Variants in CPEB1 observed in about 807,000 individuals in gnomAD.
The protein encoded by CPEB1 is cytoplasmic polyadenylation element binding protein 1.
CPEB1 carries 7 observed loss-of-function variants against 65.8 expected under a neutral mutation model. The observed-to-expected ratio is 0.11, with a 90% CI of 0.06 to 0.20. The LOEUF (loss-of-function observed/expected upper bound fraction) is 0.20. Among genes scored for constraint, CPEB1 ranks in the 10% least tolerant of loss-of-function variants. The probability of loss-of-function intolerance (pLI) is 1.00; values close to 1 mark genes in which losing one functional copy is unlikely to be tolerated. For missense variants in CPEB1, 551 were observed against 712.2 expected, an observed-to-expected ratio of 0.77 and a Z score of 2.58; for synonymous variants, 262 against 260.0, an observed-to-expected ratio of 1.01 and a Z score of -0.08.
chr15:82,563,503 ATT>A (rs373097628), intron 4 of CPEB1, among the ~76,000 whole-genome samples: 10,185 of 134,648 alleles, frequency 0.076, 542 homozygotes, highest in African/African-American at 0.15. Flanking sequence ...TGTCTGACTA[ATT>A]TTTTTTTTTT....
At chr15:82,616,637 G>A (rs937165769) in intron 3 of CPEB1, among the ~76,000 whole-genome samples, 1 of 151,396 alleles carries the variant, frequency 6.6e-6, no homozygotes, top group African/African-American at 2.4e-5. Flanking sequence ...CCACCTCCCG[G>A]GTTCAAGTGA....
At chr15:82,563,810 A>C (rs1478539601) in intron 4 of CPEB1, among the ~76,000 whole-genome samples, 1 of 152,168 alleles carries the variant, frequency 6.6e-6, no homozygotes. Context: ...TAACTTCTAT[A>C]AATTTGAAAT....
intron 3 of CPEB1, among the ~76,000 whole-genome samples, chr15:82,577,074 G>A (rs1193501547): frequency 1.3e-5 from 2 of 152,176 alleles, no homozygotes; most frequent in Non-Finnish European, 2.9e-5. Context: ...ATTTTTTTCT[G>A]TAAATAAAGT....
intron 3 of CPEB1, among the ~76,000 whole-genome samples, chr15:82,603,284 T>C (rs919781358): frequency 6.6e-6 from 1 of 151,952 alleles, no homozygotes; most frequent in East Asian, 1.9e-4. Context: ...AAGGTCCCAC[T>C]TATGTGGTTG....
At chr15:82,645,473 T>C (rs72751685) in intron 1 of CPEB1, among the ~76,000 whole-genome samples, 1 of 151,726 alleles carries the variant, frequency 6.6e-6, no homozygotes, top group Non-Finnish European at 1.5e-5. Flanking sequence ...ATTACAAAGG[T>C]TGACTTACAC....
chr15:82,637,550 C>T (rs140108706), intron 1 of CPEB1, among the ~76,000 whole-genome samples: 16 of 152,302 alleles, frequency 1.1e-4, no homozygotes, highest in Non-Finnish European at 2.2e-4. Flanking sequence ...CCCATCTCTA[C>T]GGCCTTTACT....
chr15:82,553,425 A>G, intron 8 of CPEB1, 42 bp downstream of exon 8: 1 of 1,521,136 alleles, frequency 6.6e-7, no homozygotes, highest in Non-Finnish European at 9.1e-7. Flanking sequence ...GGAAGGGAAA[A>G]AAAAGCTCCT....
intron 3 of CPEB1, among the ~76,000 whole-genome samples, chr15:82,623,746 G>GAAAAACAC (rs2045517840): frequency 6.6e-6 from 1 of 152,038 alleles, no homozygotes; most frequent in Admixed American, 6.6e-5. Context: ...TATCATTCCA[G>GAAAAACAC]TGTTTTTCTA....
chr15:82,584,898 A>ACTTTTTTT (rs2041637881), intron 3 of CPEB1, among the ~76,000 whole-genome samples: 1 of 38,114 alleles, frequency 2.6e-5, no homozygotes. Context: ...TTTTTTCCTA[A>ACTTTTTTT]TTTGCTTTTT....
chr15:82,617,728 T>A (rs936602852), intron 3 of CPEB1, among the ~76,000 whole-genome samples: 33 of 120,792 alleles, frequency 2.7e-4, no homozygotes, highest in Non-Finnish European at 8.7e-5. Flanking sequence ...ATTAAAGTTT[T>A]TTTTTTTTTT....
chr15:82,568,771 T>C (rs1244398152), intron 4 of CPEB1, among the ~76,000 whole-genome samples: 1 of 152,216 alleles, frequency 6.6e-6, no homozygotes, highest in Non-Finnish European at 1.5e-5. Context: ...TTTCCTTTGA[T>C]AGCCACGGAG....
chr15:82,612,000 G>C (rs909506287), intron 3 of CPEB1, among the ~76,000 whole-genome samples: 5 of 151,772 alleles, frequency 3.3e-5, no homozygotes. Flanking sequence ...CATGAGGTCA[G>C]GAGATCGAGA....
At chr15:82,614,618 C>CT (rs1438922134) in intron 3 of CPEB1, among the ~76,000 whole-genome samples, 1 of 152,000 alleles carries the variant, frequency 6.6e-6, no homozygotes, top group East Asian at 1.9e-4. Context: ...CCTTTTTCAG[C>CT]TTAGGCACCC....
At chr15:82,571,839 G>A (rs1596044605) in intron 3 of CPEB1, 3 of 1,147,616 alleles carry the variant, frequency 2.6e-6, no homozygotes, top group East Asian at 1.0e-4. Flanking sequence ...GTGCAATAGA[G>A]AGCGGCATCA....
At chr15:82,621,022 C>T (rs1299451004) in intron 3 of CPEB1, among the ~76,000 whole-genome samples, 1 of 152,200 alleles carries the variant, frequency 6.6e-6, no homozygotes, top group Non-Finnish European at 1.5e-5. Flanking sequence ...GTTAAAGCCA[C>T]ACAGTAAGGT....
intron 4 of CPEB1, among the ~76,000 whole-genome samples, chr15:82,563,849 G>T (rs997104248): frequency 6.6e-6 from 1 of 151,790 alleles, no homozygotes; most frequent in Admixed American, 6.6e-5. Context: ...ATGACAGGAA[G>T]AAAAACAAGT....
At chr15:82,545,308 C>G (rs2034977813) in intron 12 of CPEB1, among the ~76,000 whole-genome samples, 1 of 152,196 alleles carries the variant, frequency 6.6e-6, no homozygotes, top group South Asian at 2.1e-4. Flanking sequence ...ACTAACAATT[C>G]AAACTTAACT....
intron 3 of CPEB1, among the ~76,000 whole-genome samples, chr15:82,584,902 G>GTTTTTTT (rs1491170341): frequency 4.4e-5 from 1 of 22,776 alleles, no homozygotes; most frequent in African/African-American, 3.3e-4. Context: ...TTCCTAATTT[G>GTTTTTTT]CTTTTTTTTT....
chr15:82,648,083 C>A, upstream of CPEB1: 1 of 376,574 alleles, frequency 2.7e-6, no homozygotes, highest in Non-Finnish European at 4.7e-6. Flanking sequence ...CCTCCGCCCC[C>A]TCGCGCCCCG....
Sources: gnomAD v4.1 joint callset for allele counts (sites outside exome capture counted in the v4.1 genomes callset) on GRCh38, gnomAD v4.1.1 for gene constraint, MANE v1.5 for transcripts, NCBI Gene and HGNC (gene_info 2026-07-23, HGNC 2026-07-21) for gene names.